Variants in GPC5 observed in about 807,000 individuals in gnomAD.
The protein encoded by GPC5 is glypican-5.
GPC5 carries 47 observed loss-of-function variants against 53.9 expected under a neutral mutation model. The ratio of observed to expected loss-of-function variants is 0.87; its 90% CI spans 0.69 to 1.11. The LOEUF is 1.11. GPC5 is among the 50% of genes most tolerant of loss of function. GPC5 has a pLI of 0.00. For missense variants in GPC5, 748 were observed against 713.1 expected, an observed-to-expected ratio of 1.05 and a Z score of -0.56; for synonymous variants, 286 against 263.3, an observed-to-expected ratio of 1.09 and a Z score of -0.84.
intron 7 of GPC5, among the ~76,000 whole-genome samples, chr13:92,416,283 A>G (rs1876286753): frequency 6.6e-6 from 1 of 152,180 alleles, no homozygotes; most frequent in African/African-American, 2.4e-5. Flanking sequence ...GTCACCCGAC[A>G]ATGTTTGAAG....
At chr13:92,664,797 C>T (rs1886515909) in intron 7 of GPC5, among the ~76,000 whole-genome samples, 1 of 152,118 alleles carries the variant, frequency 6.6e-6, no homozygotes, top group Non-Finnish European at 1.5e-5. Context: ...ATGCTCACTT[C>T]CTTTCATCCA....
chr13:91,828,121 T>A (rs1190720574), intron 5 of GPC5, among the ~76,000 whole-genome samples: 3 of 152,100 alleles, frequency 2.0e-5, no homozygotes, highest in Admixed American at 6.6e-5. Context: ...TGAAATCTAA[T>A]GATGCACAAA....
intron 7 of GPC5, among the ~76,000 whole-genome samples, chr13:92,462,826 C>A (rs575701440): frequency 1.3e-5 from 2 of 151,436 alleles, no homozygotes; most frequent in African/African-American, 2.4e-5. Flanking sequence ...AAGTGATTCT[C>A]CTGCCTCAGC....
chr13:92,493,774 C>G (rs750309461), intron 7 of GPC5, among the ~76,000 whole-genome samples: 15 of 152,132 alleles, frequency 9.9e-5, no homozygotes, highest in Non-Finnish European at 2.1e-4. Flanking sequence ...CCAGACGTAG[C>G]GCTAGCAATT....
At chr13:92,522,984 A>T (rs1881127557) in intron 7 of GPC5, among the ~76,000 whole-genome samples, 1 of 152,160 alleles carries the variant, frequency 6.6e-6, no homozygotes, top group Non-Finnish European at 1.5e-5. Context: ...GCTGAAAATT[A>T]GACTGTGCAA....
intron 5 of GPC5, among the ~76,000 whole-genome samples, chr13:91,833,905 A>G (rs2038692618): frequency 6.6e-6 from 1 of 152,162 alleles, no homozygotes; most frequent in Admixed American, 6.5e-5. Context: ...GCAATCAAGC[A>G]AGAGAAAGAA....
At chr13:91,684,940 T>C (rs1358685507) in intron 2 of GPC5, among the ~76,000 whole-genome samples, 2 of 152,146 alleles carry the variant, frequency 1.3e-5, no homozygotes, top group Non-Finnish European at 1.5e-5. Context: ...AGCAACCTTC[T>C]TTGCACCTCG....
intron 7 of GPC5, among the ~76,000 whole-genome samples, chr13:92,762,756 CTCT>C (rs1875237534): frequency 2.0e-5 from 3 of 152,030 alleles, no homozygotes; most frequent in South Asian, 4.1e-4. Flanking sequence ...TTTGTCTTCA[CTCT>C]TCTTCATTGT....
At chr13:92,450,281 T>C (rs1235397140) in intron 7 of GPC5, among the ~76,000 whole-genome samples, 1 of 152,188 alleles carries the variant, frequency 6.6e-6, no homozygotes, top group Non-Finnish European at 1.5e-5. Flanking sequence ...AAGTATTTCA[T>C]ATGTTAGATT....
At chr13:92,333,258 C>T (rs144299667) in intron 7 of GPC5, among the ~76,000 whole-genome samples, 39 of 152,216 alleles carry the variant, frequency 2.6e-4, no homozygotes, top group East Asian at 1.2e-3. Flanking sequence ...GTCTCCTCAT[C>T]GTTCTGGTGT....
At chr13:92,457,445 A>G (rs4773684) in intron 7 of GPC5, among the ~76,000 whole-genome samples, 72,693 of 151,782 alleles carry the variant, frequency 0.48, 18,515 homozygotes, top group East Asian at 0.82. Context: ...AATCAAAAAC[A>G]TCTCCAGGCA....
chr13:92,250,801 A>T (rs1175673667), intron 7 of GPC5, among the ~76,000 whole-genome samples: 3 of 152,132 alleles, frequency 2.0e-5, no homozygotes, highest in East Asian at 1.9e-4. Flanking sequence ...CTAAGTAAGG[A>T]TGTAATGTAA....
chr13:92,853,073 C>T (rs1037050301), intron 7 of GPC5, among the ~76,000 whole-genome samples: 6 of 151,960 alleles, frequency 3.9e-5, no homozygotes, highest in African/African-American at 1.2e-4. Context: ...TAGCCATAAT[C>T]AGGGGTCACC....
At chr13:92,730,581 G>C (rs765517842) in intron 7 of GPC5, among the ~76,000 whole-genome samples, 2 of 150,398 alleles carry the variant, frequency 1.3e-5, no homozygotes, top group Non-Finnish European at 3.0e-5. Flanking sequence ...TCTGTGTCCA[G>C]ACTTGCTTTT....
At chr13:92,663,718 T>A (rs1886441078) in intron 7 of GPC5, among the ~76,000 whole-genome samples, 1 of 127,350 alleles carries the variant, frequency 7.9e-6, no homozygotes, top group Non-Finnish European at 1.7e-5. Context: ...CTACTATATA[T>A]ATCTACTAAA....
At chr13:91,738,989 A>G (rs2036872401) in intron 4 of GPC5, among the ~76,000 whole-genome samples, 1 of 151,388 alleles carries the variant, frequency 6.6e-6, no homozygotes, top group Admixed American at 6.6e-5. Flanking sequence ...TAGCCTTAGT[A>G]TAGCTTTTGT....
intron 6 of GPC5, among the ~76,000 whole-genome samples, chr13:92,032,033 TA>T (rs2040856165): frequency 7.4e-6 from 1 of 134,956 alleles, no homozygotes; most frequent in Admixed American, 8.7e-5. Flanking sequence ...ATAAAATATA[TA>T]AAAATTTATA....
chr13:91,956,663 C>T (rs1014403192), intron 6 of GPC5, among the ~76,000 whole-genome samples: 5 of 152,172 alleles, frequency 3.3e-5, no homozygotes, highest in African/African-American at 1.2e-4. Context: ...ACCACAGCTT[C>T]CTCTAATGAC....
At chr13:92,315,170 C>T (rs140918886) in intron 7 of GPC5, among the ~76,000 whole-genome samples, 121 of 152,138 alleles carry the variant, frequency 8.0e-4, no homozygotes, top group Non-Finnish European at 1.2e-3. Flanking sequence ...TTCTGGGTTA[C>T]GATATATTCG....
Sources: gnomAD v4.1 joint callset for allele counts (sites outside exome capture counted in the v4.1 genomes callset) on GRCh38, gnomAD v4.1.1 for gene constraint, MANE v1.5 for transcripts, NCBI Gene and HGNC (gene_info 2026-07-23, HGNC 2026-07-21) for gene names.